PDE10A: variants seen among roughly 807,000 people sequenced by gnomAD.
The protein encoded by PDE10A is phosphodiesterase 10A.
Under a neutral mutation model 97.7 loss-of-function variants are expected in PDE10A, and 39 were observed. That is an observed-to-expected ratio of 0.40 (90% CI 0.31 to 0.52). The LOEUF (loss-of-function observed/expected upper bound fraction) is 0.52. Among genes scored for constraint, PDE10A ranks in the 20% least tolerant of loss-of-function variants. The probability of loss-of-function intolerance (pLI) is 0.56; values close to 1 mark genes in which losing one functional copy is unlikely to be tolerated. For synonymous variants in PDE10A, 371 were observed against 376.8 expected (o/e 0.98, Z 0.18); for missense variants, 731 against 1,047.8 (o/e 0.70, Z 4.17).
chr6:165,475,377 C>A (rs1779238266), intron 3 of PDE10A, among the ~76,000 whole-genome samples: 1 of 152,004 alleles, frequency 6.6e-6, no homozygotes, highest in African/African-American at 2.4e-5. Context: ...AGTTGACATC[C>A]TATGAAAATC....
At chr6:165,597,912 C>T (rs1321593970) in intron 1 of PDE10A, among the ~76,000 whole-genome samples, 1 of 152,146 alleles carries the variant, frequency 6.6e-6, no homozygotes, top group Non-Finnish European at 1.5e-5. Context: ...GAAATGGCAA[C>T]CTGAGGTCAG....
chr6:165,943,285 AAG>A lies in PDE10A; in HGVS notation c.-615+44242_-615+44243del, dbSNP rs1334287081. Reference sequence around the variant, plus strand: ...AAGGAAGGAAGGAAGGAAAGAAAGAAAGAAAGAAGGAAAGAAAGAAAGAAGGA... The same window carrying A: ...AAGGAAGGAAGGAAGGAAAGAAAGAAAAAGAAGGAAAGAAAGAAAGAAGGA... On this transcript the variant is annotated intron_variant, in intron 1 of 19. Transcript: ENST00000366882. Among the ~76,000 whole-genome samples, 239 of 114,312 alleles carry A rather than the reference AAG, an allele frequency of 2.1e-3. 11 individuals carry two copies. Among genetic ancestry groups the A allele is most frequent in the African/African-American group, 4.6e-3 (123 of 26,620 alleles). The allele number at this position is 114,312 out of a possible 152,430, so 75.0% of individuals were successfully genotyped here.
chr6:165,805,025 G>A (rs1164171620), intron 1 of PDE10A, among the ~76,000 whole-genome samples: 4 of 150,066 alleles, frequency 2.7e-5, no homozygotes, highest in South Asian at 2.1e-4. Flanking sequence ...GCATCTGGGC[G>A]TGGGGCGAGC....
chr6:165,834,187 C>T (rs1780007668), intron 1 of PDE10A, among the ~76,000 whole-genome samples: 1 of 152,224 alleles, frequency 6.6e-6, no homozygotes, highest in African/African-American at 2.4e-5. Context: ...GCCCTGCAGA[C>T]TCCTCAACCA....
At chr6:165,724,087 C>A (rs2128449205) in intron 1 of PDE10A, among the ~76,000 whole-genome samples, 1 of 152,300 alleles carries the variant, frequency 6.6e-6, no homozygotes, top group Non-Finnish European at 1.5e-5. Flanking sequence ...AGTCAGTGAA[C>A]CACCACATAT....
chr6:165,368,243 G>A (rs1364010720), intron 18 of PDE10A, among the ~76,000 whole-genome samples: 1 of 152,210 alleles, frequency 6.6e-6, no homozygotes, highest in Non-Finnish European at 1.5e-5. Context: ...TGATCAGCCT[G>A]GCTTGGCATC....
At chr6:165,471,830 C>A (rs1385250802) in intron 3 of PDE10A, among the ~76,000 whole-genome samples, 1 of 152,196 alleles carries the variant, frequency 6.6e-6, no homozygotes, top group Non-Finnish European at 1.5e-5. Flanking sequence ...ACTTGCCAAT[C>A]ACCCCTGGCA....
At chr6:165,565,346 T>G (rs1784723220) in intron 1 of PDE10A, among the ~76,000 whole-genome samples, 1 of 152,184 alleles carries the variant, frequency 6.6e-6, no homozygotes, top group Non-Finnish European at 1.5e-5. Context: ...CAATATCATT[T>G]GCACTAGCAC....
intron 18 of PDE10A, among the ~76,000 whole-genome samples, chr6:165,359,585 T>G (rs1314552998): frequency 6.6e-6 from 1 of 152,192 alleles, no homozygotes; most frequent in Non-Finnish European, 1.5e-5. Flanking sequence ...TTAAAATCAA[T>G]TTTTGTTTAA....
chr6:165,642,350 GA>G (rs1389780572), intron 1 of PDE10A, among the ~76,000 whole-genome samples: 3 of 152,222 alleles, frequency 2.0e-5, no homozygotes, highest in African/African-American at 7.2e-5. Flanking sequence ...CAGGCTCCCT[GA>G]GGTCATGGAC....
chr6:165,619,584 G>C (rs577380533), intron 1 of PDE10A, among the ~76,000 whole-genome samples: 32 of 152,200 alleles, frequency 2.1e-4, no homozygotes, highest in African/African-American at 7.2e-4. Context: ...CTAGCGTAGT[G>C]TACTGTAGTC....
intron 1 of PDE10A, among the ~76,000 whole-genome samples, chr6:165,935,275 A>T (rs1404836292): frequency 2.6e-5 from 4 of 152,220 alleles, no homozygotes; most frequent in Admixed American, 6.5e-5. Context: ...GAAAAATAGA[A>T]GTAGGACAAA....
At chr6:165,938,731 A>C (rs1783418997) in intron 1 of PDE10A, among the ~76,000 whole-genome samples, 1 of 151,968 alleles carries the variant, frequency 6.6e-6, no homozygotes, top group Admixed American at 6.6e-5. Flanking sequence ...AGTGAGCAAC[A>C]ACATCAAAAA....
At chr6:165,530,617 C>CCA (rs1554280570) in intron 2 of PDE10A, among the ~76,000 whole-genome samples, 4 of 139,386 alleles carry the variant, frequency 2.9e-5, no homozygotes, top group African/African-American at 5.0e-5. Flanking sequence ...GTACCCCCCC[C>CCA]ACGAATCTAA....
At chr6:165,704,013 C>T (rs1049986095) in intron 1 of PDE10A, among the ~76,000 whole-genome samples, 2 of 152,152 alleles carry the variant, frequency 1.3e-5, no homozygotes, top group African/African-American at 2.4e-5. Context: ...TCAAGGCTGC[C>T]GTACACACGC....
intron 1 of PDE10A, among the ~76,000 whole-genome samples, chr6:165,605,276 C>A (rs796503913): frequency 1.1e-4 from 16 of 151,932 alleles, no homozygotes; most frequent in African/African-American, 3.9e-4. Context: ...AACAAACAAA[C>A]AAAAAAAACC....
At chr6:165,450,198 A>G in intron 4 of PDE10A, 44 bp downstream of exon 4, 2 of 1,302,156 alleles carry the variant, frequency 1.5e-6, no homozygotes, top group Non-Finnish European at 2.0e-6. Flanking sequence ...TTGTAAAAGA[A>G]TCTTTGCCCA....
At chr6:165,663,570 CTCAG>C (rs1209262068), upstream of PDE10A, among the ~76,000 whole-genome samples, 26 of 152,232 alleles carry the variant, frequency 1.7e-4, 1 homozygote, top group Admixed American at 1.6e-3. Context: ...CCCAGCTGTG[CTCAG>C]TCAGAGTTCC....
At chr6:165,431,389 G>C in intron 8 of PDE10A, 33 bp downstream of exon 8, 1 of 1,527,062 alleles carries the variant, frequency 6.5e-7, no homozygotes, top group Non-Finnish European at 9.0e-7. Flanking sequence ...TTCTCCCTTA[G>C]GAAGCCCCTG....
Sources: allele counts gnomAD v4.1 joint callset (sites outside exome capture counted in the v4.1 genomes callset), GRCh38; gene constraint gnomAD v4.1.1; transcripts MANE v1.5; gene names NCBI Gene and HGNC (gene_info 2026-07-23, HGNC 2026-07-21).